The following HPSE2 variants were observed in gnomAD, a reference collection of about 807,000 sequenced individuals.
HPSE2 encodes the protein inactive heparanase-2.
In HPSE2, 38 loss-of-function variants were observed where a neutral mutation model predicts 60.5. The observed-to-expected ratio is 0.63, with a 90% CI of 0.48 to 0.82. HPSE2 has a LOEUF of 0.82. Ranked by LOEUF, HPSE2 falls within the 40% of genes least tolerant of loss-of-function variation. HPSE2 has a pLI of 0.00. For synonymous variants in HPSE2, 295 were observed against 293.2 expected (o/e 1.01, Z -0.06); for missense variants, 713 against 740.4 (o/e 0.96, Z 0.43).
chr10:98,996,461 G>GC (rs886847813), intron 3 of HPSE2, among the ~76,000 whole-genome samples: 2 of 152,090 alleles, frequency 1.3e-5, no homozygotes, highest in African/African-American at 4.8e-5. Flanking sequence ...CATATCTCTA[G>GC]CTACCCTATG....
intron 9 of HPSE2, among the ~76,000 whole-genome samples, chr10:98,587,667 C>G (rs1485728507): frequency 1.3e-5 from 2 of 152,178 alleles, no homozygotes; most frequent in African/African-American, 4.8e-5. Flanking sequence ...ATTTCTGAAA[C>G]TAGATGAACT....
At chr10:99,217,493 T>C (rs908977379) in intron 2 of HPSE2, among the ~76,000 whole-genome samples, 2 of 152,052 alleles carry the variant, frequency 1.3e-5, no homozygotes, top group African/African-American at 4.8e-5. Flanking sequence ...CTGTGTGCAT[T>C]TTAGAACCAC....
intron 3 of HPSE2, among the ~76,000 whole-genome samples, chr10:98,843,374 T>C (rs547918559): frequency 3.7e-4 from 57 of 152,256 alleles, no homozygotes; most frequent in South Asian, 1.7e-3. Flanking sequence ...AAATTCTAGA[T>C]TGGGGTATAC....
chr10:99,155,619 T>C (rs1846512660), intron 2 of HPSE2, among the ~76,000 whole-genome samples: 1 of 139,314 alleles, frequency 7.2e-6, no homozygotes, highest in African/African-American at 2.7e-5. Context: ...TAGAGGGAAA[T>C]TTATAGCACT....
At position 98,459,285 on chromosome 10, in the gene HPSE2, C is replaced by T; in HGVS notation, c.*289G>A. ...ATTTCTCCTGGGAGTGTGCTGTCAG[C>T]TCGTTTTCATAGTGCACATGAAGGG... On this transcript the variant is annotated 3_prime_UTR_variant, in exon 12 of 12. Transcript: ENST00000370552. 2.3e-6 allele frequency: 1 copy of T among 428,336 alleles called. No individual in the cohort carries two copies. The highest frequency in any genetic ancestry group is 2.2e-5 in the South Asian group (1 of 44,688). 26.5% of individuals were successfully genotyped at this position (428,336 alleles called of 1,614,324 possible).
chr10:99,069,469 C>T (rs1314976850), intron 3 of HPSE2, among the ~76,000 whole-genome samples: 1 of 151,748 alleles, frequency 6.6e-6, no homozygotes, highest in East Asian at 1.9e-4. Context: ...TAGGTCATAT[C>T]TCATATTTCA....
intron 3 of HPSE2, among the ~76,000 whole-genome samples, chr10:98,812,784 T>C (rs1373924477): frequency 6.6e-6 from 1 of 152,188 alleles, no homozygotes; most frequent in African/African-American, 2.4e-5. Context: ...ACTTCTTTGA[T>C]AATAAAAGTC....
At chr10:98,688,981 T>C (rs1948003629) in intron 6 of HPSE2, among the ~76,000 whole-genome samples, 2 of 152,212 alleles carry the variant, frequency 1.3e-5, no homozygotes. Flanking sequence ...CTTTTCCCTA[T>C]ATATGAAGTG....
intron 6 of HPSE2, among the ~76,000 whole-genome samples, chr10:98,666,273 G>C (rs72840537): frequency 6.6e-6 from 1 of 152,244 alleles, no homozygotes; most frequent in Non-Finnish European, 1.5e-5. Context: ...CACCCACCCA[G>C]ATTTATAAAA....
chr10:98,741,155 ACACTAAAT>A (rs1488543644), intron 4 of HPSE2, among the ~76,000 whole-genome samples: 35 of 152,274 alleles, frequency 2.3e-4, no homozygotes, highest in Non-Finnish European at 2.9e-4. Flanking sequence ...TAAGGGGAAA[ACACTAAAT>A]CTAGATTTTC....
rs527839726 is a variant in HPSE2, at chr10:98,541,615, G to A, written c.1321-51419C>T. Among the ~76,000 whole-genome samples, 249 of 152,322 alleles carry A rather than the reference G, an allele frequency of 1.6e-3. 2 individuals are homozygous for A. Among genetic ancestry groups the A allele is most frequent in the Non-Finnish European group, 2.6e-3 (179 of 68,034 alleles). On this transcript the variant is annotated intron_variant, in intron 9 of 11. Coordinates refer to ENST00000370552, the MANE Select transcript of HPSE2 (RefSeq NM_021828.5). ...CTGGAAAATTGGGTCACTCCCACCC[G>A]AATACTGCGCTTTTCTGATGGGCTT...
chr10:99,010,957 G>A (rs1034469001), intron 3 of HPSE2, among the ~76,000 whole-genome samples: 1 of 151,820 alleles, frequency 6.6e-6, no homozygotes, highest in Non-Finnish European at 1.5e-5. Context: ...CATCACCCAG[G>A]TATTAAACCT....
chr10:99,304,848 A>T, the HPSE2 span, among the ~76,000 whole-genome samples: 1 of 152,228 alleles, frequency 6.6e-6, no homozygotes, highest in South Asian at 2.1e-4. Context: ...CAGGAGTGAC[A>T]AAATAGAAGA....
At chr10:98,950,509 G>A (rs566435644) in intron 3 of HPSE2, among the ~76,000 whole-genome samples, 80 of 152,240 alleles carry the variant, frequency 5.3e-4, no homozygotes, top group African/African-American at 1.7e-3. Flanking sequence ...AAAAAATGAT[G>A]CTATCCTTTT....
chr10:99,122,363 G>A (rs1237035880), intron 3 of HPSE2, among the ~76,000 whole-genome samples: 1 of 151,846 alleles, frequency 6.6e-6, no homozygotes, highest in Non-Finnish European at 1.5e-5. Context: ...AAATTAAAAG[G>A]AAAATAATCG....
At chr10:99,132,219 G>GAA (rs1564833126) in intron 3 of HPSE2, among the ~76,000 whole-genome samples, 4 of 22,076 alleles carry the variant, frequency 1.8e-4, no homozygotes, top group African/African-American at 2.9e-4. Context: ...GAGAGAGAGA[G>GAA]AGAGAGAGAG....
At chr10:99,198,426 A>C (rs552615643) in intron 2 of HPSE2, among the ~76,000 whole-genome samples, 1 of 152,220 alleles carries the variant, frequency 6.6e-6, no homozygotes, top group Admixed American at 6.5e-5. Context: ...AATCAAAAGC[A>C]GTAACTACTG....
intron 3 of HPSE2, among the ~76,000 whole-genome samples, chr10:98,895,514 T>A (rs1483646445): frequency 1.3e-5 from 2 of 152,166 alleles, no homozygotes; most frequent in African/African-American, 2.4e-5. Flanking sequence ...TTTAGGAAGA[T>A]TCAGATAATT....
At chr10:98,726,513 A>C (rs568112248) in intron 4 of HPSE2, among the ~76,000 whole-genome samples, 1,969 of 150,764 alleles carry the variant, frequency 0.013, 32 homozygotes, top group African/African-American at 0.026. Flanking sequence ...GAGGGATAGC[A>C]TTAGGAGATA....
Sources: allele counts gnomAD v4.1 joint callset (sites outside exome capture counted in the v4.1 genomes callset), GRCh38; gene constraint gnomAD v4.1.1; transcripts MANE v1.5; gene names NCBI Gene and HGNC (gene_info 2026-07-23, HGNC 2026-07-21).